The following FGF14 variants were observed in gnomAD, a reference collection of about 807,000 sequenced individuals.
The protein encoded by FGF14 is fibroblast growth factor 14.
FGF14 carries 5 observed loss-of-function variants against 25.5 expected under a neutral mutation model. That is an observed-to-expected ratio of 0.20 (90% CI 0.10 to 0.41). The LOEUF (loss-of-function observed/expected upper bound fraction) is 0.41. Among genes scored for constraint, FGF14 ranks in the 10% least tolerant of loss-of-function variants. The pLI is 1.00. For synonymous variants in FGF14, 138 were observed against 118.3 expected (o/e 1.17, Z -1.08); for missense variants, 222 against 320.1 (o/e 0.69, Z 2.34).
intron 1 of FGF14, among the ~76,000 whole-genome samples, chr13:102,209,000 A>G (rs918886300): frequency 6.6e-6 from 1 of 152,266 alleles, no homozygotes; most frequent in African/African-American, 2.4e-5. Flanking sequence ...TCTTGAATGG[A>G]GAATTTACAA....
At chr13:101,907,689 G>T (rs890046792) in intron 1 of FGF14, among the ~76,000 whole-genome samples, 6 of 152,100 alleles carry the variant, frequency 3.9e-5, no homozygotes, top group African/African-American at 1.2e-4. Flanking sequence ...AGAGAGAAAT[G>T]CATAACCAAG....
chr13:101,731,387 TCAA>T (rs1412238883), intron 3 of FGF14, among the ~76,000 whole-genome samples: 1 of 152,086 alleles, frequency 6.6e-6, no homozygotes, highest in Non-Finnish European at 1.5e-5. Flanking sequence ...CACAACAAAA[TCAA>T]CAACAGATGA....
At chr13:102,040,761 C>A (rs1408240270) in intron 1 of FGF14, among the ~76,000 whole-genome samples, 1 of 152,122 alleles carries the variant, frequency 6.6e-6, no homozygotes, top group Non-Finnish European at 1.5e-5. Flanking sequence ...TCTTTCTGGG[C>A]AATCAATTTG....
chr13:102,344,935 C>G (rs7982217), intron 1 of FGF14, among the ~76,000 whole-genome samples: 18,578 of 152,164 alleles, frequency 0.12, 2,677 homozygotes, highest in African/African-American at 0.35. Context: ...TGGGAAACCA[C>G]GCTGTTGAAG....
At chr13:102,112,347 C>A (rs553801739) in intron 1 of FGF14, among the ~76,000 whole-genome samples, 132 of 152,218 alleles carry the variant, frequency 8.7e-4, no homozygotes, top group African/African-American at 2.9e-3. Context: ...AGGTCCCCCG[C>A]CTTCTCCACA....
chr13:101,760,189 C>T (rs985052308), intron 3 of FGF14, among the ~76,000 whole-genome samples: 9 of 152,104 alleles, frequency 5.9e-5, no homozygotes, highest in Admixed American at 2.0e-4. Context: ...TGAACCAGTA[C>T]GTGAGAATGA....
At chr13:102,326,055 C>T (rs974915300) in intron 1 of FGF14, among the ~76,000 whole-genome samples, 3 of 152,182 alleles carry the variant, frequency 2.0e-5, no homozygotes, top group African/African-American at 4.8e-5. Context: ...ATCTCTGTTA[C>T]TTGTAGAATT....
At chr13:101,822,041 A>T (rs2042179208) in intron 3 of FGF14, among the ~76,000 whole-genome samples, 1 of 152,182 alleles carries the variant, frequency 6.6e-6, no homozygotes, top group African/African-American at 2.4e-5. Context: ...TTTTTAAGTG[A>T]ATAGTGCTTT....
chr13:101,764,818 C>T (rs2038276306), intron 3 of FGF14, among the ~76,000 whole-genome samples: 1 of 152,176 alleles, frequency 6.6e-6, no homozygotes, highest in South Asian at 2.1e-4. Context: ...CTCAAATGTA[C>T]TTTTCATAAA....
chr13:101,815,043 G>A (rs188590662), intron 3 of FGF14, among the ~76,000 whole-genome samples: 150 of 152,308 alleles, frequency 9.8e-4, no homozygotes, highest in African/African-American at 3.2e-3. Flanking sequence ...CTATGCATGC[G>A]CAGAGGGAGC....
At chr13:102,056,539 G>A (rs1458716840) in intron 1 of FGF14, among the ~76,000 whole-genome samples, 4 of 152,058 alleles carry the variant, frequency 2.6e-5, no homozygotes, top group Non-Finnish European at 5.9e-5. Flanking sequence ...AAAGTGCTAA[G>A]TGCCCATTTT....
At chr13:102,055,373 A>G (rs1490128104) in intron 1 of FGF14, among the ~76,000 whole-genome samples, 2 of 152,164 alleles carry the variant, frequency 1.3e-5, no homozygotes, top group African/African-American at 2.4e-5. Context: ...CTCTAGAGGG[A>G]TTAATCTCTG....
intron 1 of FGF14, among the ~76,000 whole-genome samples, chr13:102,281,907 T>G (rs938121525): frequency 2.6e-5 from 4 of 152,130 alleles, no homozygotes; most frequent in African/African-American, 9.7e-5. Flanking sequence ...AGATTGATCA[T>G]TTCTCTACTA....
intron 1 of FGF14, among the ~76,000 whole-genome samples, chr13:102,314,964 A>G (rs977576453): frequency 2.3e-4 from 35 of 148,938 alleles, no homozygotes; most frequent in African/African-American, 7.8e-4. Context: ...ATATTATATA[A>G]CATATACATT....
At chr13:102,380,912 A>G (rs2058169397) in intron 1 of FGF14, among the ~76,000 whole-genome samples, 1 of 152,188 alleles carries the variant, frequency 6.6e-6, no homozygotes, top group South Asian at 2.1e-4. Flanking sequence ...GTTATGTCCC[A>G]ATAAACCTAT....
intron 3 of FGF14, among the ~76,000 whole-genome samples, chr13:101,815,500 A>G (rs1032088329): frequency 6.6e-6 from 1 of 152,156 alleles, no homozygotes; most frequent in African/African-American, 2.4e-5. Context: ...CCTAAACCTT[A>G]TATTTTAAGA....
At chr13:102,247,181 A>G (rs557354789) in intron 1 of FGF14, among the ~76,000 whole-genome samples, 1 of 152,280 alleles carries the variant, frequency 6.6e-6, no homozygotes, top group South Asian at 2.1e-4. Context: ...ACTAGCAAAG[A>G]TTTCATGATG....
At chr13:101,963,843 A>G (rs1388933805) in intron 1 of FGF14, among the ~76,000 whole-genome samples, 1 of 152,244 alleles carries the variant, frequency 6.6e-6, no homozygotes, top group Non-Finnish European at 1.5e-5. Context: ...ATTTGAGATT[A>G]TGAGGATTTT....
intron 1 of FGF14, among the ~76,000 whole-genome samples, chr13:102,132,160 G>A (rs75359498): frequency 0.044 from 6,690 of 152,094 alleles, 343 homozygotes; most frequent in East Asian, 0.2. Flanking sequence ...GGGAGTTGGC[G>A]ACCACCCCAG....
Sources: gnomAD v4.1 joint callset for allele counts (sites outside exome capture counted in the v4.1 genomes callset) on GRCh38, gnomAD v4.1.1 for gene constraint, MANE v1.5 for transcripts, NCBI Gene and HGNC (gene_info 2026-07-23, HGNC 2026-07-21) for gene names.